The following VPS13C variants were observed in gnomAD, a reference collection of about 807,000 sequenced individuals.
VPS13C encodes the protein vacuolar protein sorting 13 homolog C.
VPS13C carries 358 observed loss-of-function variants against 456.8 expected under a neutral mutation model. The ratio of observed to expected loss-of-function variants is 0.78; its 90% CI spans 0.72 to 0.86. The LOEUF (loss-of-function observed/expected upper bound fraction) is 0.86. Ranked by LOEUF, VPS13C falls within the 40% of genes least tolerant of loss-of-function variation. The pLI is 0.00. For missense variants in VPS13C, 4,818 were observed against 4,385.4 expected (o/e 1.10, Z -2.79); for synonymous variants, 1,578 against 1,486.7 (o/e 1.06, Z -1.41).
chr15:62,030,885 A>T (rs7163707), intron 5 of VPS13C, among the ~76,000 whole-genome samples: 7 of 152,114 alleles, frequency 4.6e-5, no homozygotes, highest in East Asian at 1.9e-4. Flanking sequence ...AGGGACTGCC[A>T]TTTTTTATCA....
intron 9 of VPS13C, among the ~76,000 whole-genome samples, chr15:62,018,820 T>A (rs1184360036): frequency 6.6e-6 from 1 of 152,134 alleles, no homozygotes; most frequent in Non-Finnish European, 1.5e-5. Context: ...TTAGGGAGGA[T>A]TCCCTCTTTT....
chr15:62,034,260 T>C (rs1018803747), intron 4 of VPS13C, among the ~76,000 whole-genome samples: 54 of 151,804 alleles, frequency 3.6e-4, no homozygotes, highest in African/African-American at 1.3e-3. Context: ...CAAGTCAATG[T>C]TGTATATATA....
chr15:61,959,153 T>G (rs572142292), intron 36 of VPS13C, among the ~76,000 whole-genome samples: 16 of 152,122 alleles, frequency 1.1e-4, no homozygotes, highest in Non-Finnish European at 1.5e-5. Context: ...GCTACTTAGA[T>G]ATCCCTAAAA....
At chr15:61,897,765 C>T (rs1236658481) in intron 66 of VPS13C, among the ~76,000 whole-genome samples, 1 of 152,080 alleles carries the variant, frequency 6.6e-6, no homozygotes, top group Admixed American at 6.5e-5. Flanking sequence ...CACAAAGATA[C>T]TCCTCGAGAA....
chr15:61,868,291 G>C (rs1454968616), intron 81 of VPS13C, among the ~76,000 whole-genome samples: 1 of 151,916 alleles, frequency 6.6e-6, no homozygotes, highest in Non-Finnish European at 1.5e-5. Context: ...TTACAAAGTA[G>C]TGCAAATAAA....
chr15:61,904,336 A>T (rs2043092894), intron 66 of VPS13C, among the ~76,000 whole-genome samples: 1 of 151,930 alleles, frequency 6.6e-6, no homozygotes, highest in Non-Finnish European at 1.5e-5. Context: ...AAAAACGGGC[A>T]AAAGATCTGA....
chr15:61,961,566 C>A, intron 35 of VPS13C, 23 bp downstream of exon 35: 7 of 1,509,730 alleles, frequency 4.6e-6, no homozygotes, highest in East Asian at 2.3e-5. Context: ...ATATTTAAAT[C>A]CATAATTATT....
At chr15:62,053,547 G>A (rs1348752542) in intron 1 of VPS13C, among the ~76,000 whole-genome samples, 1 of 152,194 alleles carries the variant, frequency 6.6e-6, no homozygotes, top group Non-Finnish European at 1.5e-5. Flanking sequence ...GGAAGTGGCA[G>A]TACCACTCAT....
At chr15:61,911,649 TG>T (rs980670610) in intron 63 of VPS13C, among the ~76,000 whole-genome samples, 190 bp downstream of exon 63, 1 of 152,198 alleles carries the variant, frequency 6.6e-6, no homozygotes, top group Non-Finnish European at 1.5e-5. Context: ...TGATCTAGAC[TG>T]GGCTAGTGTA....
intron 60 of VPS13C, 147 bp downstream of exon 60, chr15:61,917,194 C>T: frequency 1.2e-6 from 1 of 825,884 alleles, no homozygotes; most frequent in Non-Finnish European, 1.9e-6. Flanking sequence ...AATGTTATGC[C>T]AGTTTTTGCT....
intron 29 of VPS13C, among the ~76,000 whole-genome samples, chr15:61,966,442 T>C (rs2140334239): frequency 6.6e-6 from 1 of 151,996 alleles, no homozygotes; most frequent in Admixed American, 6.6e-5. Flanking sequence ...ATCTATCCCC[T>C]AATGCTTAAA....
intron 16 of VPS13C, among the ~76,000 whole-genome samples, chr15:61,992,155 G>A (rs1035748892): frequency 2.0e-5 from 3 of 152,052 alleles, no homozygotes; most frequent in African/African-American, 7.2e-5. Flanking sequence ...AAAGTTCCTT[G>A]AAAGGAAACA....
At chr15:62,048,644 G>T (rs1249016335) in intron 1 of VPS13C, among the ~76,000 whole-genome samples, 7 of 152,106 alleles carry the variant, frequency 4.6e-5, no homozygotes, top group Non-Finnish European at 8.8e-5. Context: ...GGGTCAAATG[G>T]TATTTCTAGT....
At position 61,982,546 on chromosome 15, in the gene VPS13C, A is replaced by C; in HGVS notation, c.1942T>G (p.Phe648Val). ...AKTVNAVVEF[F>V]QSNKGLDLEQ... ...AGATCCAATCCCTTATTTGATTGAA[A>C]GAATTCAACCACTGCATTGACAGTT... The change falls in exon 21 of 85, where the codon TTT (phenylalanine) becomes GTT (valine). Residue 648 changes from phenylalanine to valine, a missense_variant. By Grantham distance (50) the Phe-to-Val change is conservative. Transcript: ENST00000644861. 6.2e-7 allele frequency: 1 copy of C among 1,609,186 alleles called. No individual in the cohort carries two copies. Among genetic ancestry groups the C allele is most frequent in the South Asian group, 1.1e-5 (1 of 89,948 alleles).
chr15:61,952,525 T>TTG (rs911004613), intron 38 of VPS13C, among the ~76,000 whole-genome samples: 1 of 151,798 alleles, frequency 6.6e-6, no homozygotes, highest in African/African-American at 2.4e-5. Flanking sequence ...GTATGTGTGT[T>TTG]TGTGTGTGTG....
chr15:62,059,075 G>T lies in VPS13C; in HGVS notation c.100+1200C>A, dbSNP rs1017169672. On this transcript the variant is annotated intron_variant, in intron 1 of 84. Transcript: ENST00000644861. Reference sequence around the variant, plus strand: ...AAAAAAGTAAAACTAAAAAACACGGGAAATACACTTTAATATTATATTTAA... The same window carrying T: ...AAAAAAGTAAAACTAAAAAACACGGTAAATACACTTTAATATTATATTTAA... 2.6e-5 allele frequency among the ~76,000 whole-genome samples: 4 copies of T among 151,978 alleles called. No individual in the cohort carries two copies. In the East Asian group the frequency reaches 5.8e-4, roughly 22 times the overall value.
chr15:61,910,608 T>C (rs368017957), intron 63 of VPS13C, among the ~76,000 whole-genome samples: 1 of 152,214 alleles, frequency 6.6e-6, no homozygotes, highest in African/African-American at 2.4e-5. Flanking sequence ...TATTGAAAAA[T>C]TATATTTAAA....
intron 12 of VPS13C, among the ~76,000 whole-genome samples, chr15:62,011,214 A>T (rs2047027294): frequency 6.6e-6 from 1 of 152,098 alleles, no homozygotes; most frequent in Non-Finnish European, 1.5e-5. Context: ...AATAGTATCA[A>T]ACTATAAAAA....
intron 2 of VPS13C, 149 bp downstream of exon 2, chr15:62,044,063 G>A: frequency 1.9e-6 from 1 of 522,004 alleles, no homozygotes; most frequent in Non-Finnish European, 3.3e-6. Context: ...TTTAATCTCA[G>A]ATTTTCCAAC....
Sources: allele counts gnomAD v4.1 joint callset (sites outside exome capture counted in the v4.1 genomes callset), GRCh38; gene constraint gnomAD v4.1.1; transcripts MANE v1.5; gene names NCBI Gene and HGNC (gene_info 2026-07-23, HGNC 2026-07-21).